Variants in SLC1A6 observed in about 807,000 individuals in gnomAD.
The protein encoded by SLC1A6 is solute carrier family 1 member 6.
In SLC1A6, 15 loss-of-function variants were observed where a neutral mutation model predicts 42.1. That is an observed-to-expected ratio of 0.36 (90% confidence interval 0.24 to 0.55). The LOEUF (loss-of-function observed/expected upper bound fraction) is 0.55, where lower values mean the gene tolerates loss of function less well. Ranked by LOEUF, SLC1A6 falls within the 20% of genes least tolerant of loss-of-function variation. The pLI, the probability that SLC1A6 is intolerant of heterozygous loss-of-function variation, is 0.88. For synonymous variants in SLC1A6, 317 were observed against 319.7 expected, an observed-to-expected ratio of 0.99 and a Z score of 0.09; for missense variants, 542 against 772.5, an observed-to-expected ratio of 0.70 and a Z score of 3.54.
At chr19:14,984,284 G>T (rs1389084778), upstream of SLC1A6, among the ~76,000 whole-genome samples, 1 of 152,040 alleles carries the variant, frequency 6.6e-6, no homozygotes, top group East Asian at 1.9e-4. Context: ...GGTGAGCCGA[G>T]ATCGTGCCAT....
At chr19:14,972,015 C>G in intron 2 of SLC1A6, 141 bp from the exon 3 acceptor site, 1 of 719,060 alleles carries the variant, frequency 1.4e-6, no homozygotes, top group South Asian at 1.8e-5. Context: ...TGTGTGTGCA[C>G]TGATGTGTGC....
chr19:14,984,353 A>T (rs1462316977), upstream of SLC1A6, among the ~76,000 whole-genome samples: 3 of 152,200 alleles, frequency 2.0e-5, no homozygotes, highest in Non-Finnish European at 2.9e-5. Context: ...AAACAAAAAA[A>T]AAAGCAACTT....
Position 14,959,811 on chromosome 19 carries a change from A to G in SLC1A6, c.935+2191T>C, listed in dbSNP as rs561444930. Among the ~76,000 whole-genome samples the G allele has an allele frequency of 3.9e-5, 6 of 152,346 alleles. No homozygotes were observed. In the East Asian group the frequency reaches 9.6e-4, roughly 24 times the overall value. On this transcript the variant is annotated intron_variant, in intron 6 of 9. Coordinates refer to ENST00000594383, the MANE Select transcript of SLC1A6 (RefSeq NM_005071.3). ...AAGTCCTACTCACCTGTCAAGACGC[A>G]GTTAACAGGTGACCTTCTTCATGAC...
Position 14,954,121 on chromosome 19 carries a change from C to A in SLC1A6, c.1364+14G>T. 1 of 1,580,142 alleles carries A rather than the reference C, an allele frequency of 6.3e-7. No homozygotes were observed. Among genetic ancestry groups the A allele is most frequent in the East Asian group, 2.2e-5 (1 of 44,620 alleles). On this transcript the variant is annotated intron_variant, in intron 8 of 9. Coordinates refer to ENST00000594383, the MANE Select transcript of SLC1A6 (RefSeq NM_005071.3). ...AGTCTCACCTGCTGGCAGGTCCTAC[C>A]CAAGCCCCCTCACCTGATGGTTGTG... is the stretch of plus-strand genomic sequence containing the variant.
At chr19:15,003,660 C>CAAAAAA (rs371118940) in intron 1 of SLC1A6, among the ~76,000 whole-genome samples, 25 of 121,874 alleles carry the variant, frequency 2.1e-4, no homozygotes, top group Admixed American at 2.6e-4. Flanking sequence ...CATGTAATGC[C>CAAAAAA]AAAAAAAAAA....
chr19:14,951,418 T>C (rs1263596567), intron 9 of SLC1A6, among the ~76,000 whole-genome samples: 1 of 151,868 alleles, frequency 6.6e-6, no homozygotes, highest in Non-Finnish European at 1.5e-5. Context: ...GATTATAAAA[T>C]TGGAACTCAG....
At chr19:14,986,204 C>T (rs956222502) in intron 1 of SLC1A6, among the ~76,000 whole-genome samples, 40 of 150,890 alleles carry the variant, frequency 2.7e-4, no homozygotes, top group African/African-American at 9.8e-4. Context: ...ATTAAAAAGA[C>T]ATATACTCAA....
chr19:14,971,816 G>A lies in SLC1A6; in HGVS notation c.264C>T (p.Tyr88=), dbSNP rs2045643369. The change falls in exon 3 of 10, where the codon TAC becomes TAT. Residue 88 remains tyrosine (Y), a synonymous_variant. Transcript: ENST00000594383. The part of the protein sequence containing the change: ...PYQLTYRQIK[Y]FSFPGELLMR... Reference sequence around the variant, plus strand: ...TCAGAAGCTCTCCAGGAAAAGAGAAGTACTTGATCTGGCGGTAGGTGAGCT... The same window carrying A: ...TCAGAAGCTCTCCAGGAAAAGAGAAATACTTGATCTGGCGGTAGGTGAGCT... The A allele has an allele frequency of 6.2e-7, 1 of 1,614,192 alleles. No individual in the cohort carries two copies.
At chr19:15,005,444 G>T (rs192732095) in intron 1 of SLC1A6, among the ~76,000 whole-genome samples, 1 of 152,188 alleles carries the variant, frequency 6.6e-6, no homozygotes, top group East Asian at 1.9e-4. Flanking sequence ...GGGAGGCGTA[G>T]GTTGCAGTGA....
At chr19:15,005,744 T>C (rs1419930990) in intron 1 of SLC1A6, among the ~76,000 whole-genome samples, 2 of 152,218 alleles carry the variant, frequency 1.3e-5, no homozygotes, top group Admixed American at 6.5e-5. Context: ...TAGCAGCGTG[T>C]TGGTGTCAGC....
chr19:14,975,825 GGGAAGGGAAGGGAAGGGGACA>G (rs2045700677), intron 1 of SLC1A6, among the ~76,000 whole-genome samples: 1 of 130,456 alleles, frequency 7.7e-6, no homozygotes, highest in African/African-American at 3.3e-5. Context: ...AGGGGACAAA[GGGAAGGGAAGGGAAGGGGACA>G]AAGGGAAGGG....
chr19:14,975,851 G>A (rs1413768735), intron 1 of SLC1A6, among the ~76,000 whole-genome samples: 56 of 100,532 alleles, frequency 5.6e-4, no homozygotes, highest in Middle Eastern at 0.011. Flanking sequence ...GGGACAAAGG[G>A]AAGGGAAGGG....
chr19:14,986,600 T>C (rs2045793918), intron 1 of SLC1A6, among the ~76,000 whole-genome samples: 1 of 151,776 alleles, frequency 6.6e-6, no homozygotes, highest in South Asian at 2.1e-4. Flanking sequence ...ACTGGCTTTT[T>C]TTTTTTTTAA....
chr19:14,971,907 G>A, intron 2 of SLC1A6, 33 bp from the exon 3 acceptor site: 1 of 1,611,772 alleles, frequency 6.2e-7, no homozygotes. Context: ...ATGGACTGAA[G>A]TCTGGGTCGC....
At chr19:14,952,273 CA>C (rs71168528) in intron 9 of SLC1A6, among the ~76,000 whole-genome samples, 5,680 of 145,644 alleles carry the variant, frequency 0.039, 227 homozygotes, top group African/African-American at 0.089. Context: ...AACATAATCT[CA>C]AAAAAAAAAA....
At chr19:14,965,849 CAAA>C (rs36065519) in intron 4 of SLC1A6, among the ~76,000 whole-genome samples, 43 of 128,956 alleles carry the variant, frequency 3.3e-4, no homozygotes, top group East Asian at 4.5e-4. Context: ...GACTCTGTTT[CAAA>C]AAAAAAAAAA....
chr19:14,956,783 A>T (rs2045466874), intron 6 of SLC1A6, 74 bp from the exon 7 acceptor site: 4 of 1,017,726 alleles, frequency 3.9e-6, no homozygotes, highest in Non-Finnish European at 5.9e-6. Flanking sequence ...GGCATCCCCA[A>T]GGCTTTGCCC....
rs571615637 is a variant in SLC1A6 at position 14,994,739 on chromosome 19, C to T, written c.6+15746G>A. On this transcript the variant is annotated intron_variant, in intron 1 of 8. Coordinates refer to the SLC1A6 transcript ENST00000430939. Reference sequence around the variant, plus strand: ...AGCTGCTTAGGGCAAACCCCCTTGCCTTTCTATTGCTTAAAAAGTTTGGGT... The same window carrying T: ...AGCTGCTTAGGGCAAACCCCCTTGCTTTTCTATTGCTTAAAAAGTTTGGGT... Among the ~76,000 whole-genome samples the T allele has an allele frequency of 2.6e-5, 4 of 152,280 alleles. 1 individual carries two copies. In the South Asian group the frequency reaches 8.3e-4, roughly 32 times the overall value.
At chr19:14,966,180 T>A (rs565769539) in intron 4 of SLC1A6, among the ~76,000 whole-genome samples, 1 of 152,174 alleles carries the variant, frequency 6.6e-6, no homozygotes, top group African/African-American at 2.4e-5. Context: ...CCAAAAGCTA[T>A]TGAAATTAAA....
Sources: gnomAD v4.1 joint callset for allele counts (sites outside exome capture counted in the v4.1 genomes callset) on GRCh38, gnomAD v4.1.1 for gene constraint, MANE v1.5 for transcripts, NCBI Gene and HGNC (gene_info 2026-07-23, HGNC 2026-07-21) for gene names.